Variants in COLEC12 observed in about 807,000 individuals in gnomAD.
The protein encoded by COLEC12 is collectin-12.
A neutral mutation model predicts 71.1 loss-of-function variants in COLEC12; 33 were observed. That is an observed-to-expected ratio of 0.46 (90% CI 0.35 to 0.62). The LOEUF (loss-of-function observed/expected upper bound fraction) is 0.62, where lower values mean the gene tolerates loss of function less well. Among genes scored for constraint, COLEC12 ranks in the 20% least tolerant of loss-of-function variants. The pLI is 0.00. For missense variants in COLEC12, 765 were observed against 916.1 expected, an observed-to-expected ratio of 0.84 and a Z score of 2.13; for synonymous variants, 350 against 353.0, an observed-to-expected ratio of 0.99 and a Z score of 0.10.
intron 2 of COLEC12, among the ~76,000 whole-genome samples, chr18:467,258 C>A (rs1303192739): frequency 6.6e-6 from 1 of 152,184 alleles, no homozygotes; most frequent in Non-Finnish European, 1.5e-5. Flanking sequence ...AAACGACTCA[C>A]TTACAAGCTT....
chr18:343,006 C>T (rs1415256420), intron 5 of COLEC12, among the ~76,000 whole-genome samples: 1 of 152,190 alleles, frequency 6.6e-6, no homozygotes, highest in Non-Finnish European at 1.5e-5. Context: ...CCTCACTGCT[C>T]ATGCTAGAGA....
chr18:368,260 A>G (rs367739067), intron 2 of COLEC12, among the ~76,000 whole-genome samples: 11 of 152,354 alleles, frequency 7.2e-5, no homozygotes, highest in African/African-American at 2.4e-4. Context: ...AGATGTTTGT[A>G]GAAAAGGATT....
chr18:358,438 G>T (rs753050616), intron 2 of COLEC12, among the ~76,000 whole-genome samples: 2 of 152,168 alleles, frequency 1.3e-5, no homozygotes, highest in Non-Finnish European at 2.9e-5. Flanking sequence ...AGATGGTCCC[G>T]TATGGGTGCG....
chr18:345,526 A>G (rs72857601), intron 5 of COLEC12, among the ~76,000 whole-genome samples: 6,243 of 152,290 alleles, frequency 0.041, 168 homozygotes, highest in Non-Finnish European at 0.061. Context: ...CTCAGATTTT[A>G]TAAGCAAGAC....
chr18:421,654 A>G (rs16944298), intron 2 of COLEC12, among the ~76,000 whole-genome samples: 2,312 of 152,304 alleles, frequency 0.015, 58 homozygotes, highest in African/African-American at 0.053. Context: ...CTGAAGCCAC[A>G]TTTGAAAGGA....
intron 2 of COLEC12, among the ~76,000 whole-genome samples, chr18:449,488 A>G (rs1400837323): frequency 1.3e-5 from 2 of 152,232 alleles, no homozygotes; most frequent in Non-Finnish European, 2.9e-5. Flanking sequence ...CAGTTGCTTC[A>G]TAGGTCACTG....
At chr18:494,733 C>G (rs1308464634) in intron 1 of COLEC12, among the ~76,000 whole-genome samples, 1 of 152,196 alleles carries the variant, frequency 6.6e-6, no homozygotes, top group East Asian at 1.9e-4. Flanking sequence ...CCTAACATTT[C>G]TCTGTCATAA....
At position 357,412 on chromosome 18, in the gene COLEC12, A is replaced by C; in HGVS notation, c.169T>G (p.Leu57Val). 1 of 1,598,176 alleles carries C rather than the reference A, an allele frequency of 6.3e-7. No individual in the cohort carries two copies. Among genetic ancestry groups the C allele is most frequent in the South Asian group, 1.2e-5 (1 of 85,574 alleles). Residue 57 changes from leucine to valine, a missense_variant, in exon 3 of 10, where the codon TTG becomes GTG. Leu to Val is a conservative substitution (Grantham distance 32). Coordinates refer to ENST00000400256, the MANE Select transcript of COLEC12 (RefSeq NM_130386.3). ...CALLTITVAILGYKVVEKMDN... is the reference protein window; with the variant it reads ...CALLTITVAIVGYKVVEKMDN... ...AAAGCATGCTTACCTTTATATCCCAAAATGGCTACTGTGATTGTTAGCAAG... is the reference window on the plus strand; with the variant it reads ...AAAGCATGCTTACCTTTATATCCCACAATGGCTACTGTGATTGTTAGCAAG...
intron 2 of COLEC12, among the ~76,000 whole-genome samples, chr18:373,881 T>C (rs1409776121): frequency 6.6e-6 from 1 of 152,356 alleles, no homozygotes; most frequent in East Asian, 1.9e-4. Flanking sequence ...CTATTCACTG[T>C]ACTCTGCTGT....
Position 319,784 on chromosome 18 carries a change from C to T in COLEC12, c.*261G>A. ...TTGGAAGACATAATTTGTATAATCGCACGGTTACTGACGGAGGAGAATCTA... is the reference window on the plus strand; with the variant it reads ...TTGGAAGACATAATTTGTATAATCGTACGGTTACTGACGGAGGAGAATCTA... On this transcript the variant is annotated 3_prime_UTR_variant, in exon 10 of 10. Coordinates refer to ENST00000400256, the MANE Select transcript of COLEC12 (RefSeq NM_130386.3). 1 of 491,336 alleles carries T rather than the reference C, an allele frequency of 2.0e-6. No individual in the cohort carries two copies. Among genetic ancestry groups the T allele is most frequent in the South Asian group, 2.7e-5 (1 of 36,986 alleles). The allele number at this position is 491,336 out of a possible 1,614,324, so 30.4% of individuals were successfully genotyped here. A position where few individuals can be genotyped will look rare whatever the true frequency, so the allele number is the denominator to read the frequency against.
At chr18:416,421 T>C (rs1043669407) in intron 2 of COLEC12, among the ~76,000 whole-genome samples, 6 of 152,174 alleles carry the variant, frequency 3.9e-5, no homozygotes, top group East Asian at 1.9e-4. Context: ...ACGAGAGATA[T>C]AATGGGAGTC....
chr18:444,935 TTTTACG>T (rs763321407), intron 2 of COLEC12, among the ~76,000 whole-genome samples: 83 of 152,184 alleles, frequency 5.5e-4, no homozygotes, highest in Non-Finnish European at 7.8e-4. Context: ...ATGCTTGGTT[TTTTACG>T]TTTCATGTTT....
intron 2 of COLEC12, among the ~76,000 whole-genome samples, chr18:385,166 T>C (rs888118168): frequency 3.9e-5 from 6 of 152,156 alleles, no homozygotes; most frequent in South Asian, 2.1e-4. Context: ...CCCTTGACAG[T>C]CATATGAAAA....
chr18:500,559 C>T lies in COLEC12; in HGVS notation c.-45G>A, dbSNP rs997036512. On this transcript the variant is annotated 5_prime_UTR_variant, in exon 1 of 10. Transcript: ENST00000400256. The surrounding 1 kb of genome is among the most constrained non-coding windows in gnomAD (Gnocchi z 5.3). Reference sequence around the variant, plus strand: ...CGCCGGCCGGGGAGCTCCGCGCGAGCGCCGCGCAGCCGAGGAAGTCGTCCC... The same window carrying T: ...CGCCGGCCGGGGAGCTCCGCGCGAGTGCCGCGCAGCCGAGGAAGTCGTCCC... 6 of 1,217,504 alleles carry T rather than the reference C, an allele frequency of 4.9e-6. No homozygotes were observed. The African/African-American group carries it at 7.9e-5, about 16-fold the overall frequency. The allele number at this position is 1,217,504 out of a possible 1,614,324, so 75.4% of individuals were successfully genotyped here. A position where few individuals can be genotyped will look rare whatever the true frequency, so the allele number is the denominator to read the frequency against.
At chr18:363,900 T>C (rs1295888323) in intron 2 of COLEC12, among the ~76,000 whole-genome samples, 1 of 152,154 alleles carries the variant, frequency 6.6e-6, no homozygotes, top group East Asian at 1.9e-4. Context: ...TTCCTAACGA[T>C]GTGGATAGCC....
At chr18:452,946 A>C (rs1002141586) in intron 2 of COLEC12, among the ~76,000 whole-genome samples, 1 of 152,212 alleles carries the variant, frequency 6.6e-6, no homozygotes, top group Non-Finnish European at 1.5e-5. Context: ...GGGAATTGGA[A>C]GTTAATATTT....
intron 2 of COLEC12, among the ~76,000 whole-genome samples, chr18:472,399 C>T (rs1028633519): frequency 6.6e-6 from 1 of 152,146 alleles, no homozygotes; most frequent in Non-Finnish European, 1.5e-5. Context: ...GACTCCTGGT[C>T]AGGCGTGGTG....
chr18:440,746 T>C lies in COLEC12; in HGVS notation c.58+39961A>G, dbSNP rs75773230. On this transcript the variant is annotated intron_variant, in intron 2 of 9. Coordinates refer to ENST00000400256, the MANE Select transcript of COLEC12 (RefSeq NM_130386.3). ...ATAGTACTAATACCTTACATTTGTA[T>C]AGAGTTATACTTGAAGCATTTTCAC... is the stretch of plus-strand genomic sequence containing the variant. 9.3e-3 allele frequency among the ~76,000 whole-genome samples: 1,415 copies of C among 152,316 alleles called. 8 individuals are homozygous for C. The highest frequency in any genetic ancestry group is 0.02 in the Middle Eastern group (6 of 294).
At chr18:491,875 T>A (rs749383) in intron 1 of COLEC12, among the ~76,000 whole-genome samples, 3,213 of 152,300 alleles carry the variant, frequency 0.021, 102 homozygotes, top group African/African-American at 0.072. Context: ...TTTGCCCTGG[T>A]TTTATAGCTT....
Sources: allele counts gnomAD v4.1 joint callset (sites outside exome capture counted in the v4.1 genomes callset), GRCh38; gene constraint gnomAD v4.1.1; non-coding constraint Gnocchi (gnomAD v3.1); transcripts MANE v1.5; gene names NCBI Gene and HGNC (gene_info 2026-07-23, HGNC 2026-07-21).